NAA16: variants seen among roughly 807,000 people sequenced by gnomAD.
NAA16 encodes NARG1-like protein.
In NAA16, 97 loss-of-function variants were observed where a neutral mutation model predicts 110.3. The observed-to-expected ratio is 0.88, with a 90% confidence interval of 0.75 to 1.04. The LOEUF is 1.04. Ranked by LOEUF, NAA16 falls within the 50% of genes least tolerant of loss-of-function variation. NAA16 has a pLI of 0.00. For synonymous variants in NAA16, 372 were observed against 330.6 expected, an observed-to-expected ratio of 1.13 and a Z score of -1.36; for missense variants, 1,017 against 1,005.1, an observed-to-expected ratio of 1.01 and a Z score of -0.16.
chr13:41,347,395 A>G lies in NAA16; in HGVS notation c.1015-7749A>G, dbSNP rs547725957. Among the ~76,000 whole-genome samples the G allele has an allele frequency of 1.6e-4, 25 of 152,240 alleles. 1 individual carries two copies. The highest frequency in any genetic ancestry group is 6.8e-3 in the Middle Eastern group (2 of 294). On this transcript the variant is annotated intron_variant, in intron 9 of 19. Transcript: ENST00000379406. ...GCTTTTCTATTTCTGCAAAGCAGCC[A>G]TCTGGGATTTTGATAGGGATTTTGT...
chr13:41,340,415 C>T (rs949700636), intron 9 of NAA16, among the ~76,000 whole-genome samples: 8 of 151,882 alleles, frequency 5.3e-5, no homozygotes, highest in Non-Finnish European at 1.0e-4. Flanking sequence ...CTTTTAATTG[C>T]GATGTTAAGG....
rs182956222 is a variant in NAA16, at chr13:41,356,272, C to T, written c.1087+1056C>T. Among the ~76,000 whole-genome samples, 508 of 152,294 alleles carry T rather than the reference C, an allele frequency of 3.3e-3. 3 individuals carry two copies. The highest frequency in any genetic ancestry group is 0.012 in the African/African-American group (484 of 41,548). ...GAACTCCTGAGCTCTAGCAATCTGC[C>T]TGTCTCAGCCTCCGAAAGTGCTGGG... On this transcript the variant is annotated intron_variant, in intron 10 of 19. Transcript: ENST00000379406.
Position 41,367,634 on chromosome 13 carries a change from C to T in NAA16, c.1735C>T (p.Gln579Ter). The T allele has an allele frequency of 6.2e-7, 1 of 1,605,232 alleles. No individual in the cohort carries two copies. Among genetic ancestry groups the T allele is most frequent in the Non-Finnish European group, 8.5e-7 (1 of 1,175,120 alleles). ...YDNPLTNESK[Q>*]QEINSENLSA... ...TAATCCCTTAACCAATGAAAGCAAACAACAAGAAATAAACTCAGGTAACTG... is the reference window on the plus strand; with the variant it reads ...TAATCCCTTAACCAATGAAAGCAAATAACAAGAAATAAACTCAGGTAACTG... Residue 579 changes from glutamine (Q) to a stop codon, truncating the protein, a stop_gained, in exon 14 of 20, where the codon CAA (glutamine) becomes TAA (stop). Coordinates refer to ENST00000379406, the MANE Select transcript of NAA16 (RefSeq NM_024561.5). LOFTEE classifies it high-confidence loss of function.
chr13:41,358,495 T>C (rs1566290568), intron 11 of NAA16, 22 bp downstream of exon 11: 4 of 1,611,798 alleles, frequency 2.5e-6, no homozygotes, highest in Non-Finnish European at 3.4e-6. Flanking sequence ...ATCCTGTTTT[T>C]TGAGTAGTTG....
At position 41,361,937 on chromosome 13, in the gene NAA16, A is replaced by G. The variant is rs1057071039; in HGVS notation, c.1411-94A>G. On this transcript the variant is annotated intron_variant, in intron 12 of 19. Coordinates refer to ENST00000379406, the MANE Select transcript of NAA16 (RefSeq NM_024561.5). ...ATATTTGCTAATTGCTGCTATTGTCATAATAGTACTGTAGCCCTAGTTGTA... is the reference window on the plus strand; with the variant it reads ...ATATTTGCTAATTGCTGCTATTGTCGTAATAGTACTGTAGCCCTAGTTGTA... The G allele has an allele frequency of 9.6e-5, 131 of 1,362,522 alleles. No homozygotes were observed. The Middle Eastern group carries it at 2.2e-3, about 23-fold the overall frequency. 84.4% of individuals were successfully genotyped at this position (1,362,522 alleles called of 1,614,324 possible).
intron 13 of NAA16, among the ~76,000 whole-genome samples, chr13:41,365,838 T>G (rs2043197416): frequency 6.6e-6 from 1 of 152,204 alleles, no homozygotes; most frequent in South Asian, 2.1e-4. Flanking sequence ...CTCTGTCTAT[T>G]AATGCTGCTA....
At chr13:41,352,847 T>C (rs2042874312) in intron 9 of NAA16, among the ~76,000 whole-genome samples, 2 of 152,186 alleles carry the variant, frequency 1.3e-5, no homozygotes, top group African/African-American at 4.8e-5. Context: ...CAGAAGTATT[T>C]ATATTCTTTT....
chr13:41,369,066 T>A, intron 14 of NAA16, 24 bp from the exon 15 acceptor site: 1 of 1,545,312 alleles, frequency 6.5e-7, no homozygotes, highest in South Asian at 1.3e-5. Flanking sequence ...TGGCTCAGAA[T>A]TTTGTTCATT....
chr13:41,348,756 T>C (rs2042750517), intron 9 of NAA16, among the ~76,000 whole-genome samples: 2 of 152,184 alleles, frequency 1.3e-5, no homozygotes, highest in Non-Finnish European at 2.9e-5. Context: ...GAACTTACCA[T>C]TTACCAGTGA....
chr13:41,365,617 A>G (rs748786871), intron 13 of NAA16, among the ~76,000 whole-genome samples: 1 of 152,190 alleles, frequency 6.6e-6, no homozygotes, highest in Non-Finnish European at 1.5e-5. Flanking sequence ...AGTGATTAAC[A>G]AGCCAGGTTT....
At chr13:41,332,878 C>G (rs1350336204) in intron 8 of NAA16, among the ~76,000 whole-genome samples, 1 of 152,124 alleles carries the variant, frequency 6.6e-6, no homozygotes, top group Admixed American at 6.5e-5. Flanking sequence ...TCATTTTATA[C>G]TATTGCATTT....
chr13:41,357,081 G>T (rs2043006314), intron 10 of NAA16, among the ~76,000 whole-genome samples: 1 of 152,212 alleles, frequency 6.6e-6, no homozygotes, highest in African/African-American at 2.4e-5. Context: ...CACTTTTGGG[G>T]ATGCTGAGGC....
intron 5 of NAA16, among the ~76,000 whole-genome samples, chr13:41,324,957 GT>G (rs145690016): frequency 0.061 from 7,239 of 119,304 alleles, 137 homozygotes; most frequent in Non-Finnish European, 0.071. Context: ...TTTTAGTTTA[GT>G]TTTTTTTTTT....
intron 11 of NAA16, 81 bp downstream of exon 11, chr13:41,358,554 C>A: frequency 1.3e-6 from 2 of 1,562,374 alleles, no homozygotes; most frequent in South Asian, 1.2e-5. Context: ...TTTGTGGAAA[C>A]AAGTTCTAGG....
At chr13:41,363,446 G>A (rs548524443) in intron 13 of NAA16, among the ~76,000 whole-genome samples, 1 of 152,230 alleles carries the variant, frequency 6.6e-6, no homozygotes, top group Admixed American at 6.5e-5. Flanking sequence ...GATCATTATA[G>A]TTCTGAACTT....
rs1342081842 is a variant in NAA16 at position 41,369,339 on chromosome 13, G to A, written c.1947+56G>A. The A allele has an allele frequency of 2.3e-5, 32 of 1,367,430 alleles. No individual in the cohort carries two copies. The East Asian group carries it at 6.0e-4, about 26-fold the overall frequency. 84.7% of individuals were successfully genotyped at this position (1,367,430 alleles called of 1,614,324 possible). A position where few individuals can be genotyped will look rare whatever the true frequency, so the allele number is the denominator to read the frequency against. ...GGTAAAATTTATGCTATTTGGTTCC[G>A]TTCTGACAGTTAACATGATTTATTT... On this transcript the variant is annotated intron_variant, in intron 15 of 19. Transcript: ENST00000379406.
intron 18 of NAA16, 180 bp from the exon 19 acceptor site, chr13:41,374,562 G>T: frequency 2.0e-6 from 1 of 488,374 alleles, no homozygotes; most frequent in Non-Finnish European, 3.6e-6. Flanking sequence ...TCAATGGGAT[G>T]CTACTGAATA....
intron 7 of NAA16, among the ~76,000 whole-genome samples, chr13:41,330,313 T>G (rs1029159838): frequency 1.3e-5 from 2 of 151,966 alleles, no homozygotes; most frequent in Admixed American, 6.6e-5. Context: ...CCTCTTCAAA[T>G]GTGGTGTTTA....
chr13:41,362,239 C>G (rs1203329909), intron 13 of NAA16, 80 bp downstream of exon 13: 2 of 1,414,734 alleles, frequency 1.4e-6, no homozygotes, highest in Non-Finnish European at 1.9e-6. Context: ...GATCATCTGC[C>G]TCTTCTAACT....
Sources: allele counts gnomAD v4.1 joint callset (sites outside exome capture counted in the v4.1 genomes callset), GRCh38; gene constraint gnomAD v4.1.1; transcripts MANE v1.5; gene names NCBI Gene and HGNC (gene_info 2026-07-23, HGNC 2026-07-21).